The following GNAI1 variants were observed in gnomAD, a reference collection of about 807,000 sequenced individuals.
GNAI1 encodes G protein subunit alpha i1.
GNAI1 carries 11 observed loss-of-function variants against 38.9 expected under a neutral mutation model. The observed-to-expected ratio is 0.28, with a 90% CI of 0.18 to 0.47. The LOEUF is 0.47. Ranked by LOEUF, GNAI1 falls within the 20% of genes least tolerant of loss-of-function variation. The probability of loss-of-function intolerance (pLI) is 0.99; values close to 1 mark genes in which losing one functional copy is unlikely to be tolerated. For missense variants in GNAI1, 317 were observed against 436.9 expected, an observed-to-expected ratio of 0.73 and a Z score of 2.45; for synonymous variants, 166 against 145.1, an observed-to-expected ratio of 1.14 and a Z score of -1.04.
intron 1 of GNAI1, among the ~76,000 whole-genome samples, chr7:80,153,042 T>A (rs1230972458): frequency 6.6e-6 from 1 of 152,142 alleles, no homozygotes; most frequent in African/African-American, 2.4e-5. Flanking sequence ...GACTTTTATA[T>A]TTTAGAAAGA....
intron 1 of GNAI1, among the ~76,000 whole-genome samples, chr7:80,166,722 T>G (rs1788015322): frequency 6.6e-6 from 1 of 152,202 alleles, no homozygotes; most frequent in Non-Finnish European, 1.5e-5. Flanking sequence ...TTACTTTCAG[T>G]TTGATATCTC....
intron 3 of GNAI1, 33 bp from the exon 4 acceptor site, chr7:80,199,192 T>A (rs1318212547): frequency 6.5e-7 from 1 of 1,528,982 alleles, no homozygotes; most frequent in Non-Finnish European, 8.9e-7. Flanking sequence ...GACGTATCCC[T>A]TTTTACTTAA....
chr7:80,182,994 A>G (rs1788320925), intron 1 of GNAI1, among the ~76,000 whole-genome samples: 1 of 152,176 alleles, frequency 6.6e-6, no homozygotes, highest in South Asian at 2.1e-4. Flanking sequence ...CCATGAAGTC[A>G]AGTTCCTACC....
chr7:80,216,458 C>T (rs750954239), intron 7 of GNAI1, among the ~76,000 whole-genome samples: 5 of 152,180 alleles, frequency 3.3e-5, no homozygotes, highest in Non-Finnish European at 7.4e-5. Context: ...TCCACAGACA[C>T]TATTGGTGAG....
chr7:80,161,362 A>G (rs552742055), intron 1 of GNAI1, among the ~76,000 whole-genome samples: 26 of 152,314 alleles, frequency 1.7e-4, no homozygotes, highest in African/African-American at 5.8e-4. Context: ...GGAAATTAGA[A>G]TCTTATATCA....
chr7:80,200,305 A>T (rs1214145014), intron 4 of GNAI1, among the ~76,000 whole-genome samples: 2 of 115,806 alleles, frequency 1.7e-5, no homozygotes, highest in Admixed American at 2.2e-4. Flanking sequence ...CAGCCTGGAG[A>T]TGGAGTGAGG....
intron 1 of GNAI1, among the ~76,000 whole-genome samples, chr7:80,143,794 G>A (rs887912275): frequency 2.0e-4 from 31 of 151,892 alleles, no homozygotes; most frequent in Admixed American, 2.0e-3. Context: ...ATAATTATAG[G>A]CTATTATTAT....
At chr7:80,145,481 C>G (rs570395837) in intron 1 of GNAI1, among the ~76,000 whole-genome samples, 1 of 152,210 alleles carries the variant, frequency 6.6e-6, no homozygotes, top group African/African-American at 2.4e-5. Context: ...TTTTGTGCTA[C>G]TTACACATTT....
intron 1 of GNAI1, among the ~76,000 whole-genome samples, chr7:80,139,320 C>G (rs1033399924): frequency 6.6e-6 from 1 of 152,184 alleles, no homozygotes; most frequent in Non-Finnish European, 1.5e-5. Context: ...CTGCAGATAT[C>G]ATGCTGCTTC....
intron 1 of GNAI1, among the ~76,000 whole-genome samples, chr7:80,186,546 G>A (rs1353087935): frequency 6.6e-6 from 1 of 152,044 alleles, no homozygotes; most frequent in Non-Finnish European, 1.5e-5. Context: ...AGTTCAACTG[G>A]AAAAATCTTA....
intron 1 of GNAI1, among the ~76,000 whole-genome samples, chr7:80,182,823 A>G (rs767901802): frequency 1.5e-4 from 23 of 152,220 alleles, no homozygotes; most frequent in Non-Finnish European, 3.2e-4. Context: ...TAAGTCCTCA[A>G]GTAAGAAGAC....
chr7:80,175,095 A>G (rs1788159157), intron 1 of GNAI1, among the ~76,000 whole-genome samples: 1 of 152,136 alleles, frequency 6.6e-6, no homozygotes, highest in South Asian at 2.1e-4. Context: ...CTTTTCTTGG[A>G]AAACCATTTT....
chr7:80,177,362 A>G (rs1660161403), intron 1 of GNAI1, among the ~76,000 whole-genome samples: 1 of 152,112 alleles, frequency 6.6e-6, no homozygotes, highest in South Asian at 2.1e-4. Context: ...TTTTCCTAAT[A>G]TCTTAAGCCC....
At chr7:80,204,383 G>A (rs891596798) in intron 5 of GNAI1, among the ~76,000 whole-genome samples, 50 of 152,044 alleles carry the variant, frequency 3.3e-4, no homozygotes, top group African/African-American at 1.0e-3. Context: ...GAAAAGCACC[G>A]AATCGTAGTC....
At chr7:80,200,317 C>A (rs1307600540) in intron 4 of GNAI1, among the ~76,000 whole-genome samples, 1 of 39,998 alleles carries the variant, frequency 2.5e-5, no homozygotes, top group African/African-American at 2.8e-4. Context: ...GGAGTGAGGC[C>A]ATGTCTCAAA....
intron 1 of GNAI1, among the ~76,000 whole-genome samples, chr7:80,157,538 C>G (rs890379694): frequency 2.6e-5 from 4 of 152,166 alleles, no homozygotes; most frequent in Non-Finnish European, 5.9e-5. Context: ...TCCACAGAGA[C>G]TGTACCATTT....
intron 1 of GNAI1, chr7:80,135,729 C>T: frequency 1.1e-6 from 1 of 942,138 alleles, no homozygotes; most frequent in Non-Finnish European, 1.2e-6. Flanking sequence ...CTGTGGTTTT[C>T]TCATGCCCAG....
chr7:80,196,349 T>TTA (rs2115658243), intron 3 of GNAI1, among the ~76,000 whole-genome samples: 1 of 152,146 alleles, frequency 6.6e-6, no homozygotes, highest in South Asian at 2.1e-4. Flanking sequence ...GTAAACTGCT[T>TTA]TATTAACCTG....
intron 3 of GNAI1, among the ~76,000 whole-genome samples, chr7:80,193,151 C>T (rs576848478): frequency 9.2e-5 from 14 of 152,054 alleles, no homozygotes; most frequent in Admixed American, 6.6e-4. Context: ...GTTCTTTTGC[C>T]GAATATCAAG....
Sources: gnomAD v4.1 joint callset for allele counts (sites outside exome capture counted in the v4.1 genomes callset) on GRCh38, gnomAD v4.1.1 for gene constraint, MANE v1.5 for transcripts, NCBI Gene and HGNC (gene_info 2026-07-23, HGNC 2026-07-21) for gene names.